GNAQ: variants seen among roughly 807,000 people sequenced by gnomAD.
GNAQ encodes the protein guanine nucleotide-binding protein G(q) subunit alpha.
GNAQ carries 8 observed loss-of-function variants against 43.9 expected under a neutral mutation model. That is an observed-to-expected ratio of 0.18 (90% CI 0.11 to 0.33). The LOEUF is 0.33. Ranked by LOEUF, GNAQ falls within the 10% of genes least tolerant of loss-of-function variation. The pLI, the probability that GNAQ is intolerant of heterozygous loss-of-function variation, is 1.00. For missense variants in GNAQ, 158 were observed against 450.8 expected, an observed-to-expected ratio of 0.35 and a Z score of 5.88; for synonymous variants, 155 against 170.7, an observed-to-expected ratio of 0.91 and a Z score of 0.71.
intron 2 of GNAQ, among the ~76,000 whole-genome samples, chr9:77,823,630 G>T (rs1169439544): frequency 6.6e-6 from 1 of 152,168 alleles, no homozygotes; most frequent in Non-Finnish European, 1.5e-5. Flanking sequence ...CAATCATGGT[G>T]GAAGGTGAAG....
chr9:78,030,708 G>A (rs556036755), intron 1 of GNAQ: 94 of 374,172 alleles, frequency 2.5e-4, no homozygotes, highest in Non-Finnish European at 4.0e-4. Flanking sequence ...GGGTGCCGCG[G>A]CCACGACACT....
chr9:77,800,645 G>A (rs1350394438), intron 3 of GNAQ, among the ~76,000 whole-genome samples: 7 of 152,000 alleles, frequency 4.6e-5, no homozygotes, highest in African/African-American at 1.4e-4. Flanking sequence ...GCACCAGCAT[G>A]GCACATGTAT....
intron 5 of GNAQ, among the ~76,000 whole-genome samples, chr9:77,742,375 A>AG (rs1825666344): frequency 6.6e-6 from 1 of 152,222 alleles, no homozygotes; most frequent in Admixed American, 6.5e-5. Flanking sequence ...GACAAAAAGT[A>AG]TTAATTACAC....
intron 2 of GNAQ, among the ~76,000 whole-genome samples, chr9:77,883,942 T>G (rs1828259826): frequency 6.6e-6 from 1 of 152,236 alleles, no homozygotes; most frequent in African/African-American, 2.4e-5. Flanking sequence ...TTCTCAAGAT[T>G]TTGGTATTTC....
chr9:77,770,178 ATG>A (rs1826201115), intron 5 of GNAQ, among the ~76,000 whole-genome samples: 1 of 152,184 alleles, frequency 6.6e-6, no homozygotes. Context: ...GGTTATATGT[ATG>A]TGTATATAAT....
At chr9:77,940,526 C>A (rs906379774) in intron 1 of GNAQ, among the ~76,000 whole-genome samples, 2 of 152,226 alleles carry the variant, frequency 1.3e-5, no homozygotes, top group South Asian at 4.2e-4. Context: ...CTGCAGTGAG[C>A]AGAGATCACA....
In GNAQ at chr9:77,797,427, G is replaced by A. The variant is rs901260371; in HGVS notation, c.605+93C>T. On this transcript the variant is annotated intron_variant, in intron 4 of 6. Coordinates refer to ENST00000286548, the MANE Select transcript of GNAQ (RefSeq NM_002072.5). ...ATTGGTATAAAGCCTATCTTGTTTTGAAGCCTACACATGATTCCAGTATTT... is the reference window on the plus strand; with the variant it reads ...ATTGGTATAAAGCCTATCTTGTTTTAAAGCCTACACATGATTCCAGTATTT... 64 of 916,004 alleles carry A rather than the reference G, an allele frequency of 7.0e-5. 2 individuals are homozygous for A. The highest frequency in any genetic ancestry group is 3.2e-4 in the Middle Eastern group (1 of 3,134). 56.7% of individuals were successfully genotyped at this position (916,004 alleles called of 1,614,324 possible).
chr9:77,915,400 T>C (rs1383886749), intron 2 of GNAQ, among the ~76,000 whole-genome samples: 1 of 152,198 alleles, frequency 6.6e-6, no homozygotes, highest in African/African-American at 2.4e-5. Context: ...ACTCTGAGGT[T>C]TTCCTTAAAT....
intron 5 of GNAQ, among the ~76,000 whole-genome samples, chr9:77,746,289 T>C (rs188830056): frequency 6.6e-6 from 1 of 152,118 alleles, no homozygotes; most frequent in African/African-American, 2.4e-5. Flanking sequence ...GAAAACAACA[T>C]AGGATCTAGA....
rs181121304 is a variant in GNAQ, at chr9:77,950,622, A to G, written c.137-28277T>C. Among the ~76,000 whole-genome samples, 237 of 152,354 alleles carry G rather than the reference A, an allele frequency of 1.6e-3. 1 individual carries two copies. The highest frequency in any genetic ancestry group is 5.5e-3 in the African/African-American group (229 of 41,572). ...GGGAGGAAATGGGGAAGGAGAAGGA[A>G]GCTTCACTTCTCATTTCATTTATTT... On this transcript the variant is annotated intron_variant, in intron 1 of 6. Transcript: ENST00000286548.
At chr9:77,887,500 T>G (rs1389606753) in intron 2 of GNAQ, among the ~76,000 whole-genome samples, 1 of 152,226 alleles carries the variant, frequency 6.6e-6, no homozygotes, top group Non-Finnish European at 1.5e-5. Context: ...TACATTTCTA[T>G]CTCAAAAGAC....
intron 1 of GNAQ, among the ~76,000 whole-genome samples, chr9:77,963,880 A>G (rs980902477): frequency 6.6e-6 from 1 of 152,058 alleles, no homozygotes; most frequent in Non-Finnish European, 1.5e-5. Flanking sequence ...CTTCTGACTT[A>G]TTTTTGTTTT....
chr9:77,883,645 C>A (rs959186263), intron 2 of GNAQ, among the ~76,000 whole-genome samples: 1 of 151,772 alleles, frequency 6.6e-6, no homozygotes, highest in Non-Finnish European at 1.5e-5. Context: ...TTGCCCCCGC[C>A]CCCACTCTCC....
chr9:77,967,875 G>A (rs1372915675), intron 1 of GNAQ, among the ~76,000 whole-genome samples: 1 of 152,152 alleles, frequency 6.6e-6, no homozygotes, highest in African/African-American at 2.4e-5. Flanking sequence ...TGCTACTTGG[G>A]AGGCTGAGGC....
chr9:77,994,395 A>G (rs1823544038), intron 1 of GNAQ, among the ~76,000 whole-genome samples: 1 of 152,192 alleles, frequency 6.6e-6, no homozygotes, highest in South Asian at 2.1e-4. Context: ...TACCAGGAAT[A>G]TGTGAATGTT....
intron 1 of GNAQ, among the ~76,000 whole-genome samples, chr9:77,992,969 G>A (rs1823527219): frequency 6.6e-6 from 1 of 152,050 alleles, no homozygotes; most frequent in Non-Finnish European, 1.5e-5. Context: ...GAAAGATGCA[G>A]ATATTAGGAG....
At chr9:77,892,644 C>T (rs1029425713) in intron 2 of GNAQ, among the ~76,000 whole-genome samples, 8 of 152,132 alleles carry the variant, frequency 5.3e-5, no homozygotes, top group Admixed American at 1.3e-4. Flanking sequence ...AGCTGAAGAG[C>T]ATTATTGAAT....
intron 2 of GNAQ, among the ~76,000 whole-genome samples, chr9:77,860,025 A>G (rs1827818714): frequency 6.6e-6 from 1 of 152,228 alleles, no homozygotes; most frequent in Non-Finnish European, 1.5e-5. Flanking sequence ...GAAAGGAAAG[A>G]AATGATTCAG....
intron 1 of GNAQ, among the ~76,000 whole-genome samples, chr9:78,022,535 A>T (rs1028989371): frequency 6.6e-6 from 1 of 152,350 alleles, no homozygotes; most frequent in East Asian, 1.9e-4. Context: ...GCCAAAAATA[A>T]AAAATAAAAA....
Sources: gnomAD v4.1 joint callset for allele counts (sites outside exome capture counted in the v4.1 genomes callset) on GRCh38, gnomAD v4.1.1 for gene constraint, MANE v1.5 for transcripts, NCBI Gene and HGNC (gene_info 2026-07-23, HGNC 2026-07-21) for gene names.